Variants in ADGRL3 observed in about 807,000 individuals in gnomAD.
ADGRL3 encodes the protein calcium-independent alpha-latrotoxin receptor 3.
Under a neutral mutation model 153.5 loss-of-function variants are expected in ADGRL3, and 62 were observed. That is an observed-to-expected ratio of 0.40 (90% CI 0.33 to 0.50). The LOEUF (loss-of-function observed/expected upper bound fraction) is 0.50, where lower values mean the gene tolerates loss of function less well. Ranked by LOEUF, ADGRL3 falls within the 20% of genes least tolerant of loss-of-function variation. ADGRL3 has a pLI of 0.47. For missense variants in ADGRL3, 1,641 were observed against 1,859.4 expected (o/e 0.88, Z 2.16); for synonymous variants, 710 against 672.5 (o/e 1.06, Z -0.86).
At chr4:62,069,157 G>A (rs71608821) in intron 26 of ADGRL3, among the ~76,000 whole-genome samples, 79 of 152,136 alleles carry the variant, frequency 5.2e-4, no homozygotes, top group Non-Finnish European at 7.9e-4. Context: ...GAAGAAATAT[G>A]TGGTCAGATT....
intron 9 of ADGRL3, among the ~76,000 whole-genome samples, chr4:61,815,723 G>A (rs1033462298): frequency 6.6e-6 from 1 of 152,182 alleles, no homozygotes; most frequent in African/African-American, 2.4e-5. Context: ...ACGGCATAAG[G>A]CCACTGACCT....
intron 1 of ADGRL3, among the ~76,000 whole-genome samples, chr4:61,225,427 C>T (rs1297359275): frequency 6.6e-6 from 1 of 152,138 alleles, no homozygotes; most frequent in Non-Finnish European, 1.5e-5. Flanking sequence ...TCCATTTCTC[C>T]ACTTGCCTGT....
intron 1 of ADGRL3, among the ~76,000 whole-genome samples, chr4:61,244,265 ATCT>A (rs1756171768): frequency 2.0e-5 from 3 of 152,030 alleles, no homozygotes; most frequent in Admixed American, 1.3e-4. Flanking sequence ...ATTTCAAGTC[ATCT>A]ACTCTCTGGG....
In ADGRL3 at chr4:62,031,682, C is replaced by T. The variant is rs188548226; in HGVS notation, c.3591+72C>T. On this transcript the variant is annotated intron_variant, in intron 23 of 26. Coordinates refer to ENST00000683033, the MANE Select transcript of ADGRL3 (RefSeq NM_001387552.1). Reference sequence around the variant, plus strand: ...GATAGCAAAGCAGCCACAACATATTCTAATATATTATTCTTGATATGTTTG... The same window carrying T: ...GATAGCAAAGCAGCCACAACATATTTTAATATATTATTCTTGATATGTTTG... The T allele has an allele frequency of 4.0e-4, 402 of 1,004,310 alleles. 3 individuals are homozygous for T. In the Admixed American group the frequency reaches 9.1e-3, roughly 23 times the overall value. The allele number at this position is 1,004,310 out of a possible 1,614,324, so 62.2% of individuals were successfully genotyped here. A position where few individuals can be genotyped will look rare whatever the true frequency, so the allele number is the denominator to read the frequency against.
intron 1 of ADGRL3, among the ~76,000 whole-genome samples, chr4:61,223,050 T>C (rs928813722): frequency 2.0e-5 from 3 of 152,168 alleles, no homozygotes; most frequent in Non-Finnish European, 2.9e-5. Context: ...AAGATGAAGA[T>C]TGAAGGCATA....
chr4:62,009,841 T>C (rs933458175), intron 21 of ADGRL3, among the ~76,000 whole-genome samples: 2 of 152,150 alleles, frequency 1.3e-5, no homozygotes, highest in African/African-American at 4.8e-5. Flanking sequence ...GCCCACATTT[T>C]GCTCAGGCCA....
intron 25 of ADGRL3, among the ~76,000 whole-genome samples, chr4:62,057,106 G>C (rs188581103): frequency 5.1e-4 from 78 of 152,224 alleles, no homozygotes; most frequent in Non-Finnish European, 3.7e-4. Context: ...TTAGCCTGCT[G>C]TCAAGAAGAA....
chr4:61,359,212 G>A (rs2096245307), intron 1 of ADGRL3, among the ~76,000 whole-genome samples: 1 of 152,080 alleles, frequency 6.6e-6, no homozygotes, highest in Non-Finnish European at 1.5e-5. Flanking sequence ...TTACTCATCT[G>A]GATTATTGTG....
chr4:61,274,025 A>G, intron 1 of ADGRL3, among the ~76,000 whole-genome samples: 1 of 152,160 alleles, frequency 6.6e-6, no homozygotes, highest in East Asian at 1.9e-4. Flanking sequence ...GGTGACCTTT[A>G]TCTTTCTATT....
At chr4:61,938,289 A>C (rs1285614587) in intron 15 of ADGRL3, among the ~76,000 whole-genome samples, 1 of 152,226 alleles carries the variant, frequency 6.6e-6, no homozygotes, top group East Asian at 1.9e-4. Context: ...CACCTTTCAA[A>C]AATCAGCATT....
In ADGRL3 at chr4:61,570,657, T is replaced by G. The variant is rs186772474; in HGVS notation, c.260-16570T>G. Among the ~76,000 whole-genome samples, 4 of 152,294 alleles carry G rather than the reference T, an allele frequency of 2.6e-5. No homozygotes were observed. In the East Asian group the frequency reaches 7.7e-4, roughly 29 times the overall value. Reference sequence around the variant, plus strand: ...GAATTTGTGGTTTATTTTCTGTCTCTCACAATCGGAAATTAAGCTCCATGA... The same window carrying G: ...GAATTTGTGGTTTATTTTCTGTCTCGCACAATCGGAAATTAAGCTCCATGA... On this transcript the variant is annotated intron_variant, in intron 4 of 26. Coordinates refer to ENST00000683033, the MANE Select transcript of ADGRL3 (RefSeq NM_001387552.1).
chr4:61,369,561 T>C (rs1014394522), intron 1 of ADGRL3, among the ~76,000 whole-genome samples: 15 of 152,200 alleles, frequency 9.9e-5, no homozygotes, highest in Admixed American at 3.3e-4. Context: ...GAGCCAGCCT[T>C]GCATCCCAGG....
intron 4 of ADGRL3, among the ~76,000 whole-genome samples, chr4:61,565,459 T>TA (rs1241186246): frequency 6.6e-6 from 1 of 152,168 alleles, no homozygotes; most frequent in Non-Finnish European, 1.5e-5. Context: ...AATTGGAACT[T>TA]AAATAGAAGA....
rs1580124576 is a variant in ADGRL3 at position 61,656,061 on chromosome 4, G to GT, written c.474-20760dup. Reference sequence around the variant, plus strand: ...TTGCAATGCATTTTCTTAATCACAGGTTTTTGATGTTGAAGTAAAGCATTA... The same window carrying GT: ...TTGCAATGCATTTTCTTAATCACAGGTTTTTTGATGTTGAAGTAAAGCATTA... On this transcript the variant is annotated intron_variant, in intron 5 of 26. Coordinates refer to ENST00000683033, the MANE Select transcript of ADGRL3 (RefSeq NM_001387552.1). Among the ~76,000 whole-genome samples, 6 of 152,204 alleles carry GT rather than the reference G, an allele frequency of 3.9e-5. No individual in the cohort carries two copies. The East Asian group carries it at 1.2e-3, about 29-fold the overall frequency.
At chr4:61,555,501 G>A (rs2098761108) in intron 4 of ADGRL3, among the ~76,000 whole-genome samples, 1 of 152,130 alleles carries the variant, frequency 6.6e-6, no homozygotes, top group Non-Finnish European at 1.5e-5. Context: ...TGCTCTCAGA[G>A]CTGTTCTAGA....
At chr4:61,371,957 C>T (rs1014957471) in intron 1 of ADGRL3, among the ~76,000 whole-genome samples, 29 of 151,984 alleles carry the variant, frequency 1.9e-4, no homozygotes, top group African/African-American at 7.0e-4. Flanking sequence ...TCTAAACTTC[C>T]GTTCTTGCTT....
At chr4:61,456,035 C>T (rs1435797806) in intron 2 of ADGRL3, among the ~76,000 whole-genome samples, 2 of 151,738 alleles carry the variant, frequency 1.3e-5, no homozygotes, top group African/African-American at 2.4e-5. Flanking sequence ...AGGCTGGTCT[C>T]GAACTCCTAG....
At chr4:61,335,250 A>T (rs2095651902) in intron 1 of ADGRL3, among the ~76,000 whole-genome samples, 1 of 152,282 alleles carries the variant, frequency 6.6e-6, no homozygotes, top group East Asian at 1.9e-4. Flanking sequence ...TATTACTTAC[A>T]TGGGGGATAC....
intron 6 of ADGRL3, among the ~76,000 whole-genome samples, chr4:61,711,059 G>T (rs1391086234): frequency 6.6e-6 from 1 of 152,070 alleles, no homozygotes; most frequent in East Asian, 1.9e-4. Flanking sequence ...ATGTAGTTGT[G>T]GGGGCTATGT....
Sources: gnomAD v4.1 joint callset for allele counts (sites outside exome capture counted in the v4.1 genomes callset) on GRCh38, gnomAD v4.1.1 for gene constraint, MANE v1.5 for transcripts, NCBI Gene and HGNC (gene_info 2026-07-23, HGNC 2026-07-21) for gene names.